IFIH1: variants seen among roughly 807,000 people sequenced by gnomAD.
IFIH1 encodes the protein interferon induced with helicase C domain 1, also known as interferon-induced helicase C domain-containing protein 1.
IFIH1 carries 125 observed loss-of-function variants against 107.4 expected under a neutral mutation model. The ratio of observed to expected loss-of-function variants is 1.16; its 90% CI spans 1.01 to 1.35. The LOEUF is 1.35. Among genes scored for constraint, IFIH1 ranks in the 40% most tolerant of loss-of-function variants. The pLI is 0.00. For synonymous variants in IFIH1, 458 were observed against 413.2 expected (o/e 1.11, Z -1.31); for missense variants, 1,333 against 1,213.7 (o/e 1.10, Z -1.46).
intron 6 of IFIH1, 59 bp downstream of exon 6, chr2:162,282,307 C>T (rs1365438204): frequency 1.9e-6 from 2 of 1,061,862 alleles, no homozygotes; most frequent in African/African-American, 1.6e-5. Flanking sequence ...ACAAATACAG[C>T]CTTTGTTATC....
intron 4 of IFIH1, among the ~76,000 whole-genome samples, chr2:162,292,573 T>C (rs1426337989): frequency 6.6e-6 from 1 of 151,882 alleles, no homozygotes; most frequent in Non-Finnish European, 1.5e-5. Context: ...AGGCCTCTTG[T>C]GGATATCAAT....
intron 14 of IFIH1, 70 bp from the exon 15 acceptor site, chr2:162,267,639 T>C (rs1009100138): frequency 1.4e-5 from 16 of 1,134,822 alleles, no homozygotes; most frequent in South Asian, 6.2e-5. Context: ...TCATGGGTTA[T>C]TGGACCTGGA....
chr2:162,288,571 G>C (rs1682937027), intron 4 of IFIH1, among the ~76,000 whole-genome samples: 1 of 151,894 alleles, frequency 6.6e-6, no homozygotes, highest in African/African-American at 2.4e-5. Flanking sequence ...TGGGGGTGTG[G>C]GGGTGCAGAG....
At chr2:162,295,578 A>T (rs1234740576) in intron 3 of IFIH1, among the ~76,000 whole-genome samples, 1 of 152,070 alleles carries the variant, frequency 6.6e-6, no homozygotes, top group Non-Finnish European at 1.5e-5. Context: ...ATGGACATAC[A>T]TACTGTTTAA....
rs367921237 is a variant in IFIH1, at chr2:162,281,495, C to T, written c.1357G>A (p.Val453Met). The change falls in exon 7 of 16, where the codon GTG becomes ATG. Residue 453 changes from valine (V) to methionine (M), a missense_variant. By Grantham distance (21) the Val-to-Met change is conservative (BLOSUM62 1). Coordinates refer to ENST00000649979, the MANE Select transcript of IFIH1 (RefSeq NM_022168.4). ...DECHHTNKEA[V>M]YNNIMRHYLM... The stretch of plus-strand genomic sequence containing the variant: ...TAATGCCTCATGATGTTATTATACA[C>T]TGCTTCTTTGTTGGTGTGATGACAT... 1 of 1,611,906 alleles carries T rather than the reference C, an allele frequency of 6.2e-7. No homozygotes were observed. Among genetic ancestry groups the T allele is most frequent in the Admixed American group, 1.7e-5 (1 of 59,766 alleles).
chr2:162,311,003 C>T, intron 1 of IFIH1, 70 bp from the exon 2 acceptor site: 1 of 1,232,170 alleles, frequency 8.1e-7, no homozygotes, highest in Non-Finnish European at 1.1e-6. Context: ...AGGAAATACC[C>T]TTTAGAAAAA....
Position 162,318,462 on chromosome 2 carries a change from T to C in IFIH1, c.-155A>G. ...AATGACGAGGTTGTCCACAGGGCTC[T>C]CAGGCCGGCGCGCGGGGCTGCACTC... On this transcript the variant is annotated 5_prime_UTR_variant, in exon 1 of 16. Coordinates refer to ENST00000649979, the MANE Select transcript of IFIH1 (RefSeq NM_022168.4). 1 of 652,538 alleles carries C rather than the reference T, an allele frequency of 1.5e-6. No individual in the cohort carries two copies. The highest frequency in any genetic ancestry group is 2.6e-6 in the Non-Finnish European group (1 of 387,856). The allele number at this position is 652,538 out of a possible 1,614,324, so 40.4% of individuals were successfully genotyped here. A position where few individuals can be genotyped will look rare whatever the true frequency, so the allele number is the denominator to read the frequency against.
At chr2:162,267,996 A>T (rs976923742) in intron 14 of IFIH1, 91 bp downstream of exon 14, 24 of 793,774 alleles carry the variant, frequency 3.0e-5, no homozygotes, top group Non-Finnish European at 4.5e-5. Context: ...AAATAAATGA[A>T]TCTCATTTGC....
intron 1 of IFIH1, among the ~76,000 whole-genome samples, chr2:162,316,349 T>C (rs1446466943): frequency 2.0e-5 from 3 of 152,212 alleles, no homozygotes; most frequent in Non-Finnish European, 4.4e-5. Flanking sequence ...ATTAAGATTC[T>C]GCCACAGTGA....
rs143351749 is a variant in IFIH1 at position 162,311,401 on chromosome 2, AT to A, written c.454-469del. 1.2e-4 allele frequency among the ~76,000 whole-genome samples: 19 copies of A among 152,138 alleles called. No individual in the cohort carries two copies. The East Asian group carries it at 3.5e-3, about 28-fold the overall frequency. ...CAAACATTTCTTATCTCCTTTCTTCATGATTATCATTATGAAATAAGTAATT... is the reference window on the plus strand; with the variant it reads ...CAAACATTTCTTATCTCCTTTCTTCAGATTATCATTATGAAATAAGTAATT... On this transcript the variant is annotated intron_variant, in intron 1 of 15. Coordinates refer to ENST00000649979, the MANE Select transcript of IFIH1 (RefSeq NM_022168.4).
chr2:162,296,557 G>A (rs1372953912), intron 3 of IFIH1, among the ~76,000 whole-genome samples: 1 of 152,078 alleles, frequency 6.6e-6, no homozygotes, highest in African/African-American at 2.4e-5. Context: ...TGCTTTTTCC[G>A]CTAACACTAA....
intron 4 of IFIH1, among the ~76,000 whole-genome samples, chr2:162,291,679 G>C (rs1682999502): frequency 6.6e-6 from 1 of 151,750 alleles, no homozygotes; most frequent in African/African-American, 2.4e-5. Flanking sequence ...AGTCCCTTTT[G>C]ATGTCAACTT....
intron 5 of IFIH1, among the ~76,000 whole-genome samples, chr2:162,285,270 AC>A (rs1465180882): frequency 2.0e-5 from 3 of 151,964 alleles, no homozygotes; most frequent in Non-Finnish European, 4.4e-5. Context: ...GTCTGGGAAC[AC>A]AGGTGGTGTT....
chr2:162,268,582 GTTATTTAT>G (rs539250138), intron 13 of IFIH1, among the ~76,000 whole-genome samples: 3 of 151,986 alleles, frequency 2.0e-5, no homozygotes, highest in Non-Finnish European at 2.9e-5. Flanking sequence ...CTACCCATTT[GTTATTTAT>G]TTATTTATTT....
In IFIH1 at chr2:162,318,397, GC is replaced by G; in HGVS notation, c.-91del. On this transcript the variant is annotated 5_prime_UTR_variant, in exon 1 of 16. Coordinates refer to ENST00000649979, the MANE Select transcript of IFIH1 (RefSeq NM_022168.4). ...TGAAATGTGCGTGCCGCTGTCCGCT[GC>G]CCACTTAGAGAAGCAGGGTCTACCG... is the stretch of plus-strand genomic sequence containing the variant. 1.8e-6 allele frequency: 2 copies of G among 1,088,294 alleles called. No individual in the cohort carries two copies. Among genetic ancestry groups the G allele is most frequent in the South Asian group, 1.4e-5 (1 of 71,386 alleles). The allele number at this position is 1,088,294 out of a possible 1,614,324, so 67.4% of individuals were successfully genotyped here. A position where few individuals can be genotyped will look rare whatever the true frequency, so the allele number is the denominator to read the frequency against.
intron 3 of IFIH1, among the ~76,000 whole-genome samples, chr2:162,304,436 T>C (rs1683245366): frequency 6.6e-6 from 1 of 152,026 alleles, no homozygotes; most frequent in Admixed American, 6.6e-5. Context: ...TACTCCAGCC[T>C]GGGCGACAGA....
At chr2:162,282,803 A>G (rs1372462203) in intron 5 of IFIH1, among the ~76,000 whole-genome samples, 2 of 151,972 alleles carry the variant, frequency 1.3e-5, no homozygotes, top group Non-Finnish European at 2.9e-5. Flanking sequence ...TATTTAACAT[A>G]TGGTTGACAA....
rs113854430 is a variant in IFIH1 at position 162,282,552 on chromosome 2, G to A, written c.1120C>T (p.Arg374Cys). ...NKVLLVEQLF[R>C]KEFQPFLKKW... ...TTCAAAAATGGTTGGAACTCCTTGCGGAAGAGCTGTTCAACTAGCAGTACC... is the reference window on the plus strand; with the variant it reads ...TTCAAAAATGGTTGGAACTCCTTGCAGAAGAGCTGTTCAACTAGCAGTACC... The change falls in exon 6 of 16, where the codon CGC becomes TGC. Residue 374 changes from arginine (R) to cysteine (C), a missense_variant. Coordinates refer to ENST00000649979, the MANE Select transcript of IFIH1 (RefSeq NM_022168.4). 2.9e-5 allele frequency: 47 copies of A among 1,610,072 alleles called. No individual in the cohort carries two copies. The highest frequency in any genetic ancestry group is 3.4e-5 in the Non-Finnish European group (40 of 1,177,924).
At chr2:162,309,466 C>T (rs1683352733) in intron 2 of IFIH1, among the ~76,000 whole-genome samples, 2 of 152,232 alleles carry the variant, frequency 1.3e-5, no homozygotes, top group South Asian at 2.1e-4. Flanking sequence ...AAGAATAGTA[C>T]ACATTCACAG....
Sources: allele counts gnomAD v4.1 joint callset (sites outside exome capture counted in the v4.1 genomes callset), GRCh38; gene constraint gnomAD v4.1.1; transcripts MANE v1.5; gene names NCBI Gene and HGNC (gene_info 2026-07-23, HGNC 2026-07-21).